Variants in NBPF4 observed in about 807,000 individuals in gnomAD.
The protein encoded by NBPF4 is NBPF family member NBPF4.
A neutral mutation model predicts 21.1 loss-of-function variants in NBPF4; 11 were observed. The observed-to-expected ratio is 0.52, with a 90% CI of 0.33 to 0.86. The LOEUF is 0.86. Among genes scored for constraint, NBPF4 ranks in the 40% least tolerant of loss-of-function variants. NBPF4 has a pLI of 0.03. For missense variants in NBPF4, 88 were observed against 265.3 expected (o/e 0.33, Z 4.64); for synonymous variants, 47 against 106.4 (o/e 0.44, Z 3.43).
Position 108,222,949 on chromosome 1 carries a change from G to A in NBPF4, c.*756C>T, listed in dbSNP as rs1254143186. 6.6e-6 allele frequency among the ~76,000 whole-genome samples: 1 copy of A among 152,112 alleles called. No homozygotes were observed. Among genetic ancestry groups the A allele is most frequent in the Non-Finnish European group, 1.5e-5 (1 of 68,026 alleles). ...ACTGGGCCTTCTCTGCCTGCAGATG[G>A]GCTGAGGTAGGAAGCTCACAGCATG... On this transcript the variant is annotated 3_prime_UTR_variant, in exon 15 of 15. Coordinates refer to ENST00000415641, the MANE Select transcript of NBPF4 (RefSeq NM_001143989.3).
At position 108,229,096 on chromosome 1, in the gene NBPF4, G is replaced by A. The variant is rs1490768650; in HGVS notation, c.1484C>T (p.Ser495Leu). 3 of 1,551,060 alleles carry A rather than the reference G, an allele frequency of 1.9e-6. No individual in the cohort carries two copies. The highest frequency in any genetic ancestry group is 2.6e-6 in the Non-Finnish European group (3 of 1,146,556). Reference protein sequence around the residue: ...TWSGDLSHHQSEVQVSQAQLE... With the variant: ...TWSGDLSHHQLEVQVSQAQLE... ...CTGTGCCTGTGAAACTTGCACCTCT[G>A]ACTGGTGGTGGCTCAAGTCTCCACT... The change falls in exon 13 of 15, where the codon TCA (serine) becomes TTA (leucine). Residue 495 changes from serine (S) to leucine (L), a missense_variant. Physicochemically the swap from Ser to Leu is moderately radical, Grantham distance 145 (BLOSUM62 -2). Transcript: ENST00000415641.
At chr1:108,259,623 AG>A in the NBPF4 span, among the ~76,000 whole-genome samples, 1 of 144,528 alleles carries the variant, frequency 6.9e-6, no homozygotes, top group Non-Finnish European at 1.5e-5. Context: ...TTGTGATTCC[AG>A]CACTTTGGGA....
rs1649581451 is a variant in NBPF4 at position 108,229,146 on chromosome 1, C to T, written c.1434G>A (p.Glu478=). ...TCCAAGTCCCTTGGGGACAGGCCGC[C>T]TCGGTGGGGGCTGAAAGGAGAAGGG... ...CSALDVASPT[E]AACPQGTWSG... The change falls in exon 13 of 15, where the codon GAG becomes GAA. Residue 478 remains glutamate (E), a synonymous_variant. Transcript: ENST00000415641. 5 of 1,550,312 alleles carry T rather than the reference C, an allele frequency of 3.2e-6. No homozygotes were observed.
At chr1:108,228,786 A>G in intron 13 of NBPF4, 134 bp downstream of exon 13, 1 of 649,776 alleles carries the variant, frequency 1.5e-6, no homozygotes. Context: ...TGCTCACCTC[A>G]CTGGGTTGGA....
At position 108,223,520 on chromosome 1, in the gene NBPF4, G is replaced by C. The variant is rs1162233429; in HGVS notation, c.*185C>G. 1.5e-6 allele frequency: 1 copy of C among 680,692 alleles called. No individual in the cohort carries two copies. Among genetic ancestry groups the C allele is most frequent in the East Asian group, 2.6e-5 (1 of 37,836 alleles). 42.2% of individuals were successfully genotyped at this position (680,692 alleles called of 1,614,324 possible). ...GTCTCCCTAGGTATTGATCACAATT[G>C]GAGGGGGATGGAATGTGGCTTCTCA... On this transcript the variant is annotated 3_prime_UTR_variant, in exon 15 of 15. Coordinates refer to ENST00000415641, the MANE Select transcript of NBPF4 (RefSeq NM_001143989.3).
the NBPF4 span, among the ~76,000 whole-genome samples, chr1:108,257,615 T>C: frequency 7.0e-6 from 1 of 143,538 alleles, no homozygotes; most frequent in Non-Finnish European, 1.5e-5. Context: ...TAAAAGAAAA[T>C]CCTCTACCAT....
intron 13 of NBPF4, among the ~76,000 whole-genome samples, chr1:108,227,528 AT>A (rs1165428859): frequency 3.4e-3 from 5 of 1,480 alleles, no homozygotes; most frequent in African/African-American, 0.015. Flanking sequence ...AAGAAAAAAA[AT>A]ATAGGGATTT....
chr1:108,257,762 C>CTTTTTTTT, the NBPF4 span, among the ~76,000 whole-genome samples: 6 of 54,768 alleles, frequency 1.1e-4, no homozygotes, highest in Admixed American at 2.4e-4. Flanking sequence ...CTTTTCTTTT[C>CTTTTTTTT]TTTTTTTTTT....
intron 12 of NBPF4, among the ~76,000 whole-genome samples, 184 bp from the exon 13 acceptor site, chr1:108,229,340 CG>C (rs1649591426): frequency 4.1e-5 from 6 of 147,414 alleles, no homozygotes; most frequent in Non-Finnish European, 7.5e-5. Context: ...GACGCTGACA[CG>C]GTAGGGGCCC....
At chr1:108,229,439 A>G (rs1242284768) in intron 12 of NBPF4, among the ~76,000 whole-genome samples, 2 of 151,600 alleles carry the variant, frequency 1.3e-5, no homozygotes, top group African/African-American at 4.8e-5. Context: ...TTATTCTGTT[A>G]CTATTCATCT....
At chr1:108,257,606 A>G in the NBPF4 span, among the ~76,000 whole-genome samples, 1 of 143,510 alleles carries the variant, frequency 7.0e-6, no homozygotes, top group Non-Finnish European at 1.5e-5. Flanking sequence ...CCCATTTGTT[A>G]AAAGAAAATC....
the NBPF4 span, among the ~76,000 whole-genome samples, chr1:108,257,481 A>G: frequency 2.7e-5 from 4 of 150,942 alleles, no homozygotes; most frequent in African/African-American, 7.3e-5. Flanking sequence ...CCATTAACCA[A>G]CTTCTACCCT....
At chr1:108,253,979 G>T in the NBPF4 span, among the ~76,000 whole-genome samples, 1 of 57,246 alleles carries the variant, frequency 1.7e-5, no homozygotes, top group Admixed American at 2.1e-4. Flanking sequence ...ACAGATATAT[G>T]GCTTGCAAAT....
chr1:108,264,182 G>GA, the NBPF4 span, among the ~76,000 whole-genome samples: 1 of 150,114 alleles, frequency 6.7e-6, no homozygotes, highest in Non-Finnish European at 1.5e-5. Flanking sequence ...AAAGTTAAGG[G>GA]ATGGAGGAAA....
chr1:108,265,100 A>C, the NBPF4 span, among the ~76,000 whole-genome samples: 74 of 152,258 alleles, frequency 4.9e-4, no homozygotes, highest in African/African-American at 1.7e-3. Context: ...CAGAGTGAAC[A>C]GGCAACCTCC....
the NBPF4 span, among the ~76,000 whole-genome samples, chr1:108,257,526 T>A: frequency 4.7e-5 from 7 of 149,302 alleles, no homozygotes; most frequent in African/African-American, 1.7e-4. Context: ...TGGTACACAC[T>A]AATTTTTATA....
chr1:108,268,502 T>C, the NBPF4 span, among the ~76,000 whole-genome samples: 7 of 149,530 alleles, frequency 4.7e-5, no homozygotes, highest in Non-Finnish European at 1.0e-4. Flanking sequence ...AAATATTTTC[T>C]AAATTTTCAA....
At position 108,223,558 on chromosome 1, in the gene NBPF4, A is replaced by T. The variant is rs1190150626; in HGVS notation, c.*147T>A. ...ATGTGGCTTCTCAAATCAAAGGAGC[A>T]TAGTGGCTTGAAGTCATCAAGAGTA... On this transcript the variant is annotated 3_prime_UTR_variant, in exon 15 of 15. Coordinates refer to ENST00000415641, the MANE Select transcript of NBPF4 (RefSeq NM_001143989.3). The T allele has an allele frequency of 6.9e-6, 5 of 721,730 alleles. No individual in the cohort carries two copies. In the East Asian group the frequency reaches 1.4e-4, roughly 20 times the overall value. 44.7% of individuals were successfully genotyped at this position (721,730 alleles called of 1,614,324 possible). A position where few individuals can be genotyped will look rare whatever the true frequency, so the allele number is the denominator to read the frequency against.
At chr1:108,246,530 T>A (rs1163799773), upstream of NBPF4, among the ~76,000 whole-genome samples, 1 of 115,934 alleles carries the variant, frequency 8.6e-6, no homozygotes, top group African/African-American at 3.1e-5. Flanking sequence ...ACTTTTGTTT[T>A]TAATCTTTGT....
Sources: gnomAD v4.1 joint callset for allele counts (sites outside exome capture counted in the v4.1 genomes callset) on GRCh38, gnomAD v4.1.1 for gene constraint, MANE v1.5 for transcripts, NCBI Gene and HGNC (gene_info 2026-07-23, HGNC 2026-07-21) for gene names.